The following KCNIP4 variants were observed in gnomAD, a reference collection of about 807,000 sequenced individuals.
KCNIP4 encodes potassium voltage-gated channel interacting protein 4.
A neutral mutation model predicts 34.0 loss-of-function variants in KCNIP4; 12 were observed. The ratio of observed to expected loss-of-function variants is 0.35; its 90% CI spans 0.23 to 0.57. KCNIP4 has a LOEUF of 0.57. Ranked by LOEUF, KCNIP4 falls within the 20% of genes least tolerant of loss-of-function variation. The pLI, the probability that KCNIP4 is intolerant of heterozygous loss-of-function variation, is 0.83. For missense variants in KCNIP4, 238 were observed against 311.7 expected (o/e 0.76, Z 1.78); for synonymous variants, 124 against 102.2 (o/e 1.21, Z -1.29).
chr4:21,812,157 G>C (rs1251330374), intron 1 of KCNIP4, among the ~76,000 whole-genome samples: 1 of 151,978 alleles, frequency 6.6e-6, no homozygotes, highest in Non-Finnish European at 1.5e-5. Context: ...ACAAAAAGAG[G>C]CTACTTTATT....
chr4:21,866,762 A>ATTTTTTTTTTTTTTTT (rs770568451), intron 1 of KCNIP4, among the ~76,000 whole-genome samples: 2 of 82,698 alleles, frequency 2.4e-5, no homozygotes, highest in African/African-American at 4.8e-5. Flanking sequence ...TTCAGCCTGG[A>ATTTTTTTTTTTTTTTT]TTTTTTTTTT....
intron 1 of KCNIP4, among the ~76,000 whole-genome samples, chr4:20,906,763 C>T (rs1727811637): frequency 6.6e-6 from 1 of 152,194 alleles, no homozygotes; most frequent in Non-Finnish European, 1.5e-5. Context: ...CACATCCTTC[C>T]ATTCCAGCTT....
intron 3 of KCNIP4, among the ~76,000 whole-genome samples, chr4:20,810,936 T>C (rs1715673736): frequency 6.6e-6 from 1 of 152,170 alleles, no homozygotes; most frequent in African/African-American, 2.4e-5. Context: ...GTTAGCGTAC[T>C]GGGACAGAGG....
At chr4:21,794,738 G>GA (rs758294129) in intron 1 of KCNIP4, among the ~76,000 whole-genome samples, 5 of 152,126 alleles carry the variant, frequency 3.3e-5, no homozygotes, top group Non-Finnish European at 5.9e-5. Flanking sequence ...AATTAGCCAG[G>GA]AGTGGTGGCA....
chr4:20,925,803 G>A (rs1729843098), intron 1 of KCNIP4, among the ~76,000 whole-genome samples: 1 of 152,092 alleles, frequency 6.6e-6, no homozygotes, highest in African/African-American at 2.4e-5. Context: ...AACAAAATCA[G>A]CAAAGGAAAA....
intron 1 of KCNIP4, among the ~76,000 whole-genome samples, chr4:21,147,461 A>T (rs1326675318): frequency 6.6e-6 from 1 of 152,122 alleles, no homozygotes; most frequent in Non-Finnish European, 1.5e-5. Context: ...ATTTTTACTG[A>T]ATATTGACTA....
chr4:21,268,919 G>A (rs1455350721), intron 1 of KCNIP4, among the ~76,000 whole-genome samples: 3 of 152,198 alleles, frequency 2.0e-5, no homozygotes, highest in Non-Finnish European at 4.4e-5. Context: ...TGTCTATCAG[G>A]CAGGAGGAGC....
rs527546324 is a variant in KCNIP4, at chr4:21,272,896, T to C, written c.62-390187A>G. 2.0e-5 allele frequency among the ~76,000 whole-genome samples: 3 copies of C among 152,320 alleles called. No homozygotes were observed. In the South Asian group the frequency reaches 6.2e-4, roughly 32 times the overall value. ...TGTCAATTATCTACAGCACAATTAT[T>C]GTAAGTTGAAGCAATTCTTTCTTCC... On this transcript the variant is annotated intron_variant, in intron 1 of 8. Transcript: ENST00000382152.
rs919938468 is a variant in KCNIP4 at position 21,255,288 on chromosome 4, C to CG, written c.62-372580_62-372579insC. ...TTTGATTAAACATGCTTAAATTGTACCCCACTTCCAAGTAATAACAGCTAA... is the reference window on the plus strand; with the variant it reads ...TTTGATTAAACATGCTTAAATTGTACGCCCACTTCCAAGTAATAACAGCTAA... On this transcript the variant is annotated intron_variant, in intron 1 of 8. Coordinates refer to ENST00000382152, the MANE Select transcript of KCNIP4 (RefSeq NM_025221.6). Among the ~76,000 whole-genome samples, 5 of 12,070 alleles carry CG rather than the reference C, an allele frequency of 4.1e-4. No individual in the cohort carries two copies. In the African/African-American group the frequency reaches 0.015, roughly 37 times the overall value. 7.9% of individuals were successfully genotyped at this position (12,070 alleles called of 152,430 possible).
intron 1 of KCNIP4, among the ~76,000 whole-genome samples, chr4:21,155,351 T>C (rs557560668): frequency 1.8e-4 from 27 of 152,296 alleles, no homozygotes; most frequent in Admixed American, 1.6e-3. Flanking sequence ...TTAGAAGACA[T>C]TATTTTAAGG....
chr4:21,889,892 A>C (rs1168434925), intron 1 of KCNIP4, among the ~76,000 whole-genome samples: 2 of 152,124 alleles, frequency 1.3e-5, no homozygotes, highest in Non-Finnish European at 2.9e-5. Flanking sequence ...GTGGGCTCCC[A>C]GAGTCTTGTA....
intron 1 of KCNIP4, among the ~76,000 whole-genome samples, chr4:21,087,043 G>A (rs181452465): frequency 2.5e-4 from 37 of 145,590 alleles, no homozygotes; most frequent in African/African-American, 9.2e-4. Flanking sequence ...GCAGTGGCAC[G>A]ATCTCGGCTC....
chr4:20,760,679 G>A (rs1754885990), intron 3 of KCNIP4, among the ~76,000 whole-genome samples: 1 of 152,144 alleles, frequency 6.6e-6, no homozygotes, highest in Admixed American at 6.5e-5. Flanking sequence ...GTGCTGAGTG[G>A]CAAAGCACTT....
intron 1 of KCNIP4, among the ~76,000 whole-genome samples, chr4:21,320,062 A>G (rs1190476256): frequency 6.6e-6 from 1 of 152,218 alleles, no homozygotes; most frequent in Non-Finnish European, 1.5e-5. Context: ...TAAACCATGT[A>G]TTAGAGCATT....
chr4:21,505,472 T>C (rs1157360105), intron 1 of KCNIP4, among the ~76,000 whole-genome samples: 8 of 152,194 alleles, frequency 5.3e-5, no homozygotes, highest in Non-Finnish European at 1.2e-4. Flanking sequence ...GCAGGTGCCA[T>C]GCTGTTTCAT....
intron 1 of KCNIP4, among the ~76,000 whole-genome samples, chr4:21,188,454 C>T (rs926331747): frequency 2.4e-4 from 36 of 152,128 alleles, no homozygotes; most frequent in African/African-American, 8.7e-4. Flanking sequence ...ATGAAAAATG[C>T]TAAAGGTGGT....
chr4:21,416,568 G>A (rs995936665), intron 1 of KCNIP4, among the ~76,000 whole-genome samples: 1 of 152,100 alleles, frequency 6.6e-6, no homozygotes, highest in African/African-American at 2.4e-5. Flanking sequence ...CATCATTTAA[G>A]CATTCAAAGG....
intron 1 of KCNIP4, among the ~76,000 whole-genome samples, chr4:21,679,218 C>T (rs1397987382): frequency 1.3e-5 from 2 of 152,174 alleles, no homozygotes; most frequent in African/African-American, 4.8e-5. Context: ...ACTCTAACCT[C>T]CACAGTCTTC....
At chr4:21,397,435 T>G (rs1723100903) in intron 1 of KCNIP4, among the ~76,000 whole-genome samples, 1 of 152,194 alleles carries the variant, frequency 6.6e-6, no homozygotes, top group African/African-American at 2.4e-5. Flanking sequence ...AGCTAATGTA[T>G]GCAGGGCTTA....
Sources: gnomAD v4.1 joint callset for allele counts (sites outside exome capture counted in the v4.1 genomes callset) on GRCh38, gnomAD v4.1.1 for gene constraint, MANE v1.5 for transcripts, NCBI Gene and HGNC (gene_info 2026-07-23, HGNC 2026-07-21) for gene names.